ZNF385B: variants seen among roughly 807,000 people sequenced by gnomAD.
The protein encoded by ZNF385B is zinc finger protein 533.
In ZNF385B, 23 loss-of-function variants were observed where a neutral mutation model predicts 39.2. The observed-to-expected ratio is 0.59, with a 90% confidence interval of 0.42 to 0.83. ZNF385B has a LOEUF of 0.83. Ranked by LOEUF, ZNF385B falls within the 40% of genes least tolerant of loss-of-function variation. The pLI, the probability that ZNF385B is intolerant of heterozygous loss-of-function variation, is 0.00. For synonymous variants in ZNF385B, 205 were observed against 222.6 expected (o/e 0.92, Z 0.70); for missense variants, 552 against 598.9 (o/e 0.92, Z 0.82).
chr2:179,843,696 C>T (rs1708661923), intron 1 of ZNF385B, among the ~76,000 whole-genome samples: 2 of 152,214 alleles, frequency 1.3e-5, no homozygotes, highest in African/African-American at 4.8e-5. Flanking sequence ...AATGCTACAA[C>T]CCATCAGATC....
chr2:179,748,008 T>C (rs568781465), intron 3 of ZNF385B, among the ~76,000 whole-genome samples: 29 of 152,278 alleles, frequency 1.9e-4, no homozygotes, highest in African/African-American at 7.0e-4. Context: ...ATTTCGGAAA[T>C]TGCAAGTAAG....
chr2:179,629,034 T>C (rs755748437), intron 3 of ZNF385B, among the ~76,000 whole-genome samples: 2 of 152,248 alleles, frequency 1.3e-5, no homozygotes, highest in Non-Finnish European at 2.9e-5. Context: ...TTTTTGATTA[T>C]TGGAAATTAT....
intron 6 of ZNF385B, among the ~76,000 whole-genome samples, chr2:179,466,324 T>C (rs1458120892): frequency 2.0e-5 from 3 of 151,818 alleles, no homozygotes; most frequent in Admixed American, 2.0e-4. Flanking sequence ...TACATATAGA[T>C]AAAAAATGTA....
At chr2:179,606,837 A>C (rs1032769772) in intron 3 of ZNF385B, among the ~76,000 whole-genome samples, 1 of 152,116 alleles carries the variant, frequency 6.6e-6, no homozygotes, top group African/African-American at 2.4e-5. Context: ...ACATTTTTGT[A>C]ATTTTCATAG....
chr2:179,496,314 A>G (rs1257994954), intron 5 of ZNF385B, among the ~76,000 whole-genome samples: 4 of 152,166 alleles, frequency 2.6e-5, no homozygotes, highest in Non-Finnish European at 5.9e-5. Flanking sequence ...AAAGAATTAA[A>G]AAAACAATGA....
chr2:179,781,560 A>C (rs1704666678), intron 1 of ZNF385B, among the ~76,000 whole-genome samples: 1 of 152,214 alleles, frequency 6.6e-6, no homozygotes, highest in Admixed American at 6.5e-5. Context: ...GGAAAAGAGA[A>C]CATCTTCATG....
chr2:179,686,152 T>C (rs981181775), intron 3 of ZNF385B, among the ~76,000 whole-genome samples: 8 of 152,234 alleles, frequency 5.3e-5, no homozygotes, highest in Admixed American at 1.3e-4. Flanking sequence ...CATATTTCCC[T>C]CCCTTTACTT....
chr2:179,755,000 T>C (rs1702921351), intron 3 of ZNF385B, among the ~76,000 whole-genome samples: 1 of 152,214 alleles, frequency 6.6e-6, no homozygotes, highest in African/African-American at 2.4e-5. Context: ...CTCTTGCTTC[T>C]CTAGTTCTTT....
intron 5 of ZNF385B, among the ~76,000 whole-genome samples, chr2:179,511,003 A>T (rs971068228): frequency 6.6e-6 from 1 of 152,210 alleles, no homozygotes; most frequent in Non-Finnish European, 1.5e-5. Flanking sequence ...GTACCCTTGC[A>T]GCTGTGTGCC....
intron 6 of ZNF385B, among the ~76,000 whole-genome samples, chr2:179,467,192 T>C (rs956474999): frequency 2.6e-5 from 4 of 152,144 alleles, no homozygotes; most frequent in Non-Finnish European, 4.4e-5. Context: ...TTGGGAATCC[T>C]TCAGTCTATC....
At chr2:179,511,512 A>C (rs1302671422) in intron 5 of ZNF385B, among the ~76,000 whole-genome samples, 1 of 152,216 alleles carries the variant, frequency 6.6e-6, no homozygotes, top group South Asian at 2.1e-4. Context: ...GAGATGACAG[A>C]CACAAAATGC....
At chr2:179,455,114 T>C (rs946346435) in intron 6 of ZNF385B, among the ~76,000 whole-genome samples, 27 of 152,206 alleles carry the variant, frequency 1.8e-4, no homozygotes, top group East Asian at 1.9e-4. Flanking sequence ...AAATGCTCTA[T>C]ACAAGTATGC....
At chr2:179,775,744 T>C (rs1489570342) in intron 1 of ZNF385B, among the ~76,000 whole-genome samples, 2 of 152,172 alleles carry the variant, frequency 1.3e-5, no homozygotes, top group African/African-American at 4.8e-5. Context: ...GATCTTCGTA[T>C]TATGTGAAGG....
intron 3 of ZNF385B, among the ~76,000 whole-genome samples, chr2:179,636,241 G>A (rs981464073): frequency 2.0e-4 from 30 of 152,302 alleles, no homozygotes; most frequent in African/African-American, 7.0e-4. Flanking sequence ...ACTGGGTGCT[G>A]TAGAGTACAT....
intron 3 of ZNF385B, among the ~76,000 whole-genome samples, chr2:179,726,439 T>C (rs757438270): frequency 2.0e-5 from 3 of 152,098 alleles, no homozygotes; most frequent in Non-Finnish European, 4.4e-5. Context: ...CTGTAAGACC[T>C]AGAGGCAGTT....
At chr2:179,671,003 A>C (rs1011206508) in intron 3 of ZNF385B, among the ~76,000 whole-genome samples, 5 of 152,224 alleles carry the variant, frequency 3.3e-5, no homozygotes, top group Non-Finnish European at 7.3e-5. Flanking sequence ...AATGGCACCC[A>C]CCTCACAGAA....
Position 179,533,839 on chromosome 2 carries a change from T to C in ZNF385B, c.441+10988A>G, listed in dbSNP as rs1336780483. ...TTGGAAGTCAACAGTATTTTAAAAA[T>C]ATAGCAAGAAACATTATGTCTTACT... On this transcript the variant is annotated intron_variant, in intron 4 of 9. Transcript: ENST00000410066. Among the ~76,000 whole-genome samples, 6 of 152,206 alleles carry C rather than the reference T, an allele frequency of 3.9e-5. No homozygotes were observed. In the East Asian group the frequency reaches 1.2e-3, roughly 29 times the overall value.
At chr2:179,725,852 T>A (rs545056163) in intron 3 of ZNF385B, among the ~76,000 whole-genome samples, 45 of 150,174 alleles carry the variant, frequency 3.0e-4, no homozygotes, top group African/African-American at 9.9e-4. Context: ...TATATACATA[T>A]ATCATATATC....
chr2:179,826,488 A>G (rs2106590554), intron 1 of ZNF385B, among the ~76,000 whole-genome samples: 1 of 152,228 alleles, frequency 6.6e-6, no homozygotes, highest in South Asian at 2.1e-4. Flanking sequence ...AGCCCCATCC[A>G]TCTCTGTGAA....
Sources: gnomAD v4.1 joint callset for allele counts (sites outside exome capture counted in the v4.1 genomes callset) on GRCh38, gnomAD v4.1.1 for gene constraint, MANE v1.5 for transcripts, NCBI Gene and HGNC (gene_info 2026-07-23, HGNC 2026-07-21) for gene names.